Variants in PLCB1 observed in about 807,000 individuals in gnomAD.
PLCB1 encodes phospholipase C beta 1, also known as 1-phosphatidylinositol 4,5-bisphosphate phosphodiesterase beta-1.
Under a neutral mutation model 161.8 loss-of-function variants are expected in PLCB1, and 46 were observed. The ratio of observed to expected loss-of-function variants is 0.28; its 90% confidence interval spans 0.22 to 0.36. The LOEUF (loss-of-function observed/expected upper bound fraction) is 0.36. Ranked by LOEUF, PLCB1 falls within the 10% of genes least tolerant of loss-of-function variation. PLCB1 has a pLI of 1.00. For missense variants in PLCB1, 1,016 were observed against 1,472.5 expected, an observed-to-expected ratio of 0.69 and a Z score of 5.07; for synonymous variants, 517 against 503.7, an observed-to-expected ratio of 1.03 and a Z score of -0.35.
chr20:8,499,817 A>G (rs190151832), intron 3 of PLCB1, among the ~76,000 whole-genome samples: 144 of 152,338 alleles, frequency 9.5e-4, no homozygotes, highest in African/African-American at 2.3e-3. Context: ...AATTCATTCA[A>G]CCAATGCATA....
chr20:8,644,481 G>A (rs907957409), intron 4 of PLCB1, among the ~76,000 whole-genome samples: 1 of 151,570 alleles, frequency 6.6e-6, no homozygotes, highest in Non-Finnish European at 1.5e-5. Flanking sequence ...CCTCTGCCCA[G>A]CCGCGACCCC....
intron 2 of PLCB1, among the ~76,000 whole-genome samples, chr20:8,262,973 C>T (rs1173392117): frequency 2.6e-5 from 4 of 152,156 alleles, no homozygotes; most frequent in Non-Finnish European, 5.9e-5. Context: ...TCACAAAGGC[C>T]CCACCTCTAA....
chr20:8,603,111 A>T (rs1987643801), intron 3 of PLCB1, among the ~76,000 whole-genome samples: 2 of 152,224 alleles, frequency 1.3e-5, no homozygotes, highest in African/African-American at 4.8e-5. Context: ...GACAAACAGG[A>T]CAAATGCTCT....
rs772715933 is a variant in PLCB1 at position 8,737,014 on chromosome 20, T to C, written c.2044-14T>C. On this transcript the variant is annotated splice_polypyrimidine_tract_variant and intron_variant, in intron 19 of 31. Transcript: ENST00000338037. The stretch of plus-strand genomic sequence containing the variant: ...AAAATTCCTTATGGATTGATTGATT[T>C]ATTGATTTTCTAGATTATTTCAGGT... 2.5e-6 allele frequency: 4 copies of C among 1,596,796 alleles called. No homozygotes were observed. In the South Asian group the frequency reaches 4.4e-5, roughly 18 times the overall value.
At chr20:8,136,346 G>T (rs1210770243) in intron 1 of PLCB1, among the ~76,000 whole-genome samples, 3 of 152,302 alleles carry the variant, frequency 2.0e-5, no homozygotes, top group South Asian at 2.1e-4. Context: ...GTTATTGTCG[G>T]CCGGGCGCGG....
chr20:8,441,114 C>T (rs1451106877), intron 3 of PLCB1, among the ~76,000 whole-genome samples: 1 of 152,144 alleles, frequency 6.6e-6, no homozygotes, highest in South Asian at 2.1e-4. Flanking sequence ...TACGTGGCCA[C>T]ATTTCTTGAC....
At chr20:8,296,653 T>C (rs1326064543) in intron 2 of PLCB1, among the ~76,000 whole-genome samples, 1 of 151,862 alleles carries the variant, frequency 6.6e-6, no homozygotes, top group African/African-American at 2.4e-5. Flanking sequence ...GTCTCCTTGT[T>C]TGGCATTCCT....
At chr20:8,690,902 A>G (rs1990462995) in intron 10 of PLCB1, among the ~76,000 whole-genome samples, 1 of 152,178 alleles carries the variant, frequency 6.6e-6, no homozygotes. Flanking sequence ...GCTATGTCAG[A>G]TTTCTCTCAC....
intron 2 of PLCB1, 86 bp downstream of exon 2, chr20:8,150,457 T>A (rs2051498748): frequency 3.6e-6 from 2 of 554,362 alleles, no homozygotes; most frequent in Non-Finnish European, 6.4e-6. Flanking sequence ...TAGAAGAACA[T>A]CCATTTCACA....
At position 8,762,067 on chromosome 20, in the gene PLCB1, C is replaced by A. The variant is rs939904421; in HGVS notation, c.2710+1607C>A. Among the ~76,000 whole-genome samples, 9 of 151,830 alleles carry A rather than the reference C, an allele frequency of 5.9e-5. No individual in the cohort carries two copies. In the East Asian group the frequency reaches 1.8e-3, roughly 30 times the overall value. On this transcript the variant is annotated intron_variant, in intron 25 of 31. Coordinates refer to ENST00000338037, the MANE Select transcript of PLCB1 (RefSeq NM_015192.4). ...CTCTACTAAATATTACAAAATTAAC[C>A]GCTGTGGTGGCGCGCACCTATAATC... is the stretch of plus-strand genomic sequence containing the variant.
chr20:8,616,970 C>A (rs1006180822), intron 3 of PLCB1, among the ~76,000 whole-genome samples: 1 of 152,128 alleles, frequency 6.6e-6, no homozygotes, highest in Non-Finnish European at 1.5e-5. Flanking sequence ...ATTTATGTAT[C>A]CCAGAGAAGG....
At chr20:8,264,877 C>T (rs1167138196) in intron 2 of PLCB1, among the ~76,000 whole-genome samples, 1 of 152,140 alleles carries the variant, frequency 6.6e-6, no homozygotes, top group Non-Finnish European at 1.5e-5. Flanking sequence ...AATTTTGGTG[C>T]TTTCCTCCTA....
intron 2 of PLCB1, among the ~76,000 whole-genome samples, chr20:8,263,135 G>T (rs917725377): frequency 2.0e-5 from 3 of 152,006 alleles, no homozygotes; most frequent in Admixed American, 6.6e-5. Context: ...CCTCAGTTTT[G>T]TCATCTGTTA....
chr20:8,544,613 T>TA (rs1270665993), intron 3 of PLCB1, among the ~76,000 whole-genome samples: 1 of 152,226 alleles, frequency 6.6e-6, no homozygotes, highest in Admixed American at 6.5e-5. Flanking sequence ...TAAGGACTGC[T>TA]AAAATGGCCT....
chr20:8,789,139 A>G (rs1388171145), intron 29 of PLCB1, among the ~76,000 whole-genome samples: 5 of 152,182 alleles, frequency 3.3e-5, no homozygotes, highest in Non-Finnish European at 7.3e-5. Context: ...GCACTTTGAA[A>G]GGCCTAGGTG....
chr20:8,726,114 G>C (rs867943860), intron 16 of PLCB1, among the ~76,000 whole-genome samples: 2 of 152,036 alleles, frequency 1.3e-5, no homozygotes, highest in African/African-American at 2.4e-5. Context: ...TTTTAATTTC[G>C]AAAGAGAGGT....
intron 9 of PLCB1, among the ~76,000 whole-genome samples, chr20:8,683,871 A>G (rs1401347363): frequency 6.6e-6 from 1 of 151,980 alleles, no homozygotes; most frequent in Non-Finnish European, 1.5e-5. Context: ...AGAGAAAAAT[A>G]TCATTATTTG....
intron 3 of PLCB1, among the ~76,000 whole-genome samples, chr20:8,615,987 A>G (rs918619982): frequency 1.4e-4 from 22 of 152,118 alleles, no homozygotes; most frequent in Admixed American, 6.6e-4. Context: ...TCTCTTGACT[A>G]CAACTCCTTT....
At chr20:8,269,401 A>G (rs1408851621) in intron 2 of PLCB1, among the ~76,000 whole-genome samples, 1 of 152,150 alleles carries the variant, frequency 6.6e-6, no homozygotes, top group Admixed American at 6.6e-5. Flanking sequence ...GCAAAATGGT[A>G]ATAATAATTA....
Sources: allele counts gnomAD v4.1 joint callset (sites outside exome capture counted in the v4.1 genomes callset), GRCh38; gene constraint gnomAD v4.1.1; transcripts MANE v1.5; gene names NCBI Gene and HGNC (gene_info 2026-07-23, HGNC 2026-07-21).